OSBPL3: variants seen among roughly 807,000 people sequenced by gnomAD.
OSBPL3 encodes oxysterol binding protein like 3, also known as oxysterol-binding protein-related protein 3.
OSBPL3 carries 65 observed loss-of-function variants against 120.1 expected under a neutral mutation model. That is an observed-to-expected ratio of 0.54 (90% CI 0.44 to 0.67). OSBPL3 has a LOEUF of 0.67. OSBPL3 is among the 30% of genes least tolerant of loss of function. The pLI, the probability that OSBPL3 is intolerant of heterozygous loss-of-function variation, is 0.00. For synonymous variants in OSBPL3, 416 were observed against 402.6 expected, an observed-to-expected ratio of 1.03 and a Z score of -0.40; for missense variants, 1,004 against 1,082.1, an observed-to-expected ratio of 0.93 and a Z score of 1.01.
At chr7:24,826,348 T>C (rs1795704353) in intron 16 of OSBPL3, among the ~76,000 whole-genome samples, 1 of 152,156 alleles carries the variant, frequency 6.6e-6, no homozygotes, top group Admixed American at 6.5e-5. Flanking sequence ...TATGACTCAC[T>C]CCTGATCGGT....
At position 24,805,309 on chromosome 7, in the gene OSBPL3, T is replaced by C. The variant is rs997267999; in HGVS notation, c.2445-872A>G. Among the ~76,000 whole-genome samples the C allele has an allele frequency of 6.6e-6, 1 of 152,220 alleles. No homozygotes were observed. Among genetic ancestry groups the C allele is most frequent in the Admixed American group, 6.5e-5 (1 of 15,278 alleles). On this transcript the variant is annotated intron_variant, in intron 21 of 22. Transcript: ENST00000313367. This position sits in a 1 kb window ranked among gnomAD's most constrained non-coding sequence, Gnocchi z 4.0. Reference sequence around the variant, plus strand: ...TGGGATGTCGACATGATTTTTAAATTTGCATTTTTCTTATTATGATTAAGG... The same window carrying C: ...TGGGATGTCGACATGATTTTTAAATCTGCATTTTTCTTATTATGATTAAGG...
At position 24,863,534 on chromosome 7, in the gene OSBPL3, G is replaced by C. The variant is rs374584847; in HGVS notation, c.739C>G (p.His247Asp). ...ATAGCTGGTGCCGAGTATGTCCGAT[G>C]CAGGACGTCCATGCTTTGCAGGAGC... is the stretch of plus-strand genomic sequence containing the variant. ...SQLLQSMDVL[H>D]RTYSAPAINA... The change falls in exon 8 of 23, where the codon CAT becomes GAT. Residue 247 changes from histidine (H) to aspartate (D), a missense_variant. Physicochemically the swap from His to Asp is moderately conservative, Grantham distance 81 (BLOSUM62 -1). This residue lies in a region of OSBPL3 where 272 missense variants were observed against 248.8 expected (regional missense o/e 1.09). Coordinates refer to ENST00000313367, the MANE Select transcript of OSBPL3 (RefSeq NM_015550.4). This position sits in a 1 kb window ranked among gnomAD's most constrained non-coding sequence, Gnocchi z 5.8. 6.2e-7 allele frequency: 1 copy of C among 1,614,096 alleles called. No homozygotes were observed. The highest frequency in any genetic ancestry group is 1.7e-5 in the Admixed American group (1 of 60,032).
chr7:24,919,881 C>CA (rs1201013268), intron 1 of OSBPL3, among the ~76,000 whole-genome samples: 4 of 151,304 alleles, frequency 2.6e-5, no homozygotes, highest in African/African-American at 4.9e-5. Context: ...AAAGAAGCCA[C>CA]AAAAAATGGC....
rs1300285032 is a variant in OSBPL3, at chr7:24,820,131, C to T, written c.1948+44G>A. The T allele has an allele frequency of 7.7e-7, 1 of 1,291,464 alleles. No individual in the cohort carries two copies. The highest frequency in any genetic ancestry group is 1.5e-5 in the African/African-American group (1 of 67,812). 80.0% of individuals were successfully genotyped at this position (1,291,464 alleles called of 1,614,324 possible). A position where few individuals can be genotyped will look rare whatever the true frequency, so the allele number is the denominator to read the frequency against. On this transcript the variant is annotated intron_variant, in intron 17 of 22. Coordinates refer to ENST00000313367, the MANE Select transcript of OSBPL3 (RefSeq NM_015550.4). The surrounding 1 kb of genome is among the most constrained non-coding windows in gnomAD (Gnocchi z 4.6). ...ATTCTTGGATAAAATAAATAGATAA[C>T]ATATTACACAATATGATGGAAGTAA...
Position 24,851,584 on chromosome 7 carries a change from T to C in OSBPL3, c.1158+920A>G, listed in dbSNP as rs1415308046. Among the ~76,000 whole-genome samples the C allele has an allele frequency of 1.3e-5, 2 of 152,186 alleles. No homozygotes were observed. The highest frequency in any genetic ancestry group is 1.3e-4 in the Admixed American group (2 of 15,276). The stretch of plus-strand genomic sequence containing the variant: ...TTTATCTCCCCTACCTGACCTGAAA[T>C]AGAAAATTCAGTATTGCTTCAGATG... On this transcript the variant is annotated intron_variant, in intron 11 of 22. Coordinates refer to ENST00000313367, the MANE Select transcript of OSBPL3 (RefSeq NM_015550.4). This position sits in a 1 kb window ranked among gnomAD's most constrained non-coding sequence, Gnocchi z 4.1.
rs1301494572 is a variant in OSBPL3 at position 24,803,081 on chromosome 7, C to T, written c.2567+1234G>A. Among the ~76,000 whole-genome samples the T allele has an allele frequency of 6.6e-6, 1 of 152,106 alleles. No individual in the cohort carries two copies. Among genetic ancestry groups the T allele is most frequent in the African/African-American group, 2.4e-5 (1 of 41,414 alleles). Reference sequence around the variant, plus strand: ...CTTCAAGACAAAACCTTATTTGTCACTATTTTGATGTTTTGGAATACAGAT... The same window carrying T: ...CTTCAAGACAAAACCTTATTTGTCATTATTTTGATGTTTTGGAATACAGAT... On this transcript the variant is annotated intron_variant, in intron 22 of 22. Coordinates refer to ENST00000313367, the MANE Select transcript of OSBPL3 (RefSeq NM_015550.4). This position sits in a 1 kb window ranked among gnomAD's most constrained non-coding sequence, Gnocchi z 4.2.
chr7:24,907,780 T>C (rs1808163851), intron 1 of OSBPL3, among the ~76,000 whole-genome samples: 1 of 152,210 alleles, frequency 6.6e-6, no homozygotes, highest in East Asian at 1.9e-4. Flanking sequence ...CTGAAAGTAT[T>C]AGTCACGTTT....
Position 24,820,138 on chromosome 7 carries a change from C to G in OSBPL3, c.1948+37G>C. ...GATAAAATAAATAGATAACATATTA[C>G]ACAATATGATGGAAGTAAAATGTAT... On this transcript the variant is annotated intron_variant, in intron 17 of 22. Transcript: ENST00000313367. This position sits in a 1 kb window ranked among gnomAD's most constrained non-coding sequence, Gnocchi z 4.6. The G allele has an allele frequency of 7.4e-7, 1 of 1,353,446 alleles. No homozygotes were observed. Among genetic ancestry groups the G allele is most frequent in the African/African-American group, 1.4e-5 (1 of 69,326 alleles). 83.8% of individuals were successfully genotyped at this position (1,353,446 alleles called of 1,614,324 possible).
At chr7:24,978,045 T>C (rs1369360900) in intron 1 of OSBPL3, among the ~76,000 whole-genome samples, 1 of 152,186 alleles carries the variant, frequency 6.6e-6, no homozygotes, top group African/African-American at 2.4e-5. Context: ...ACATTTTAGT[T>C]TATTCGAAGA....
At chr7:24,869,757 C>A (rs1291418711) in intron 5 of OSBPL3, among the ~76,000 whole-genome samples, 1 of 152,188 alleles carries the variant, frequency 6.6e-6, no homozygotes, top group East Asian at 1.9e-4. Context: ...GACTGTCTTG[C>A]CCATTCAACA....
chr7:24,851,956 C>T lies in OSBPL3; in HGVS notation c.1158+548G>A, dbSNP rs1027168427. Among the ~76,000 whole-genome samples, 1 of 152,162 alleles carries T rather than the reference C, an allele frequency of 6.6e-6. No individual in the cohort carries two copies. The highest frequency in any genetic ancestry group is 2.4e-5 in the African/African-American group (1 of 41,420). ...TTCATGTGACTCATCTCTTTGTAGC[C>T]ACAGTAGGGGGGCAGGGCAGGGAAG... is the stretch of plus-strand genomic sequence containing the variant. On this transcript the variant is annotated intron_variant, in intron 11 of 22. Coordinates refer to ENST00000313367, the MANE Select transcript of OSBPL3 (RefSeq NM_015550.4). This position sits in a 1 kb window ranked among gnomAD's most constrained non-coding sequence, Gnocchi z 4.1.
chr7:24,926,639 C>A (rs1487192706), intron 1 of OSBPL3, among the ~76,000 whole-genome samples: 1 of 152,240 alleles, frequency 6.6e-6, no homozygotes, highest in Non-Finnish European at 1.5e-5. Flanking sequence ...AGAGTGGCCA[C>A]TGTATAAGGT....
chr7:24,899,877 C>T lies in OSBPL3; in HGVS notation c.-149-7256G>A, dbSNP rs1368425371. Among the ~76,000 whole-genome samples the T allele has an allele frequency of 2.6e-5, 4 of 152,172 alleles. No individual in the cohort carries two copies. Among genetic ancestry groups the T allele is most frequent in the African/African-American group, 7.2e-5 (3 of 41,440 alleles). On this transcript the variant is annotated intron_variant, in intron 1 of 22. Coordinates refer to ENST00000313367, the MANE Select transcript of OSBPL3 (RefSeq NM_015550.4). This position sits in a 1 kb window ranked among gnomAD's most constrained non-coding sequence, Gnocchi z 4.0. ...TTGAATCAGAATTTCTATCTAGAGA[C>T]GGGCCTGATAATCTGCATGTTTAAC...
chr7:24,933,162 T>C lies in OSBPL3; in HGVS notation c.-149-40541A>G, dbSNP rs538143476. On this transcript the variant is annotated intron_variant, in intron 1 of 22. Transcript: ENST00000313367. The surrounding 1 kb of genome is among the most constrained non-coding windows in gnomAD (Gnocchi z 5.1). ...GGACCCAGCTGAGAGGGGGGTTCGC[T>C]GCTCAAGGTTAAAATGGGGAATAAA... 1.2e-4 allele frequency among the ~76,000 whole-genome samples: 18 copies of C among 152,310 alleles called. No homozygotes were observed. In the South Asian group the frequency reaches 3.7e-3, roughly 32 times the overall value.
rs1287071189 is a variant in OSBPL3, at chr7:24,941,377, CCT to C, written c.-150+38507_-150+38508del. 4.6e-5 allele frequency among the ~76,000 whole-genome samples: 7 copies of C among 152,186 alleles called. No homozygotes were observed. In the East Asian group the frequency reaches 1.3e-3, roughly 29 times the overall value. ...TAAAGTCTCTACTCCCAACATTTCC[CCT>C]CTTTCTACTCCTGCTGCTCCCTGCC... On this transcript the variant is annotated intron_variant, in intron 1 of 22. Transcript: ENST00000313367.
chr7:24,854,046 A>T lies in OSBPL3; in HGVS notation c.1028-1412T>A, dbSNP rs1013922128. Among the ~76,000 whole-genome samples the T allele has an allele frequency of 6.6e-6, 1 of 152,188 alleles. No homozygotes were observed. The highest frequency in any genetic ancestry group is 2.4e-5 in the African/African-American group (1 of 41,444). On this transcript the variant is annotated intron_variant, in intron 10 of 22. Coordinates refer to ENST00000313367, the MANE Select transcript of OSBPL3 (RefSeq NM_015550.4). This position sits in a 1 kb window ranked among gnomAD's most constrained non-coding sequence, Gnocchi z 4.1. Reference sequence around the variant, plus strand: ...CCTCCAATGCCTGAACTGAAGTTTTAAAAAACATTAACACATACAGCACAC... The same window carrying T: ...CCTCCAATGCCTGAACTGAAGTTTTTAAAAACATTAACACATACAGCACAC...
At chr7:24,812,483 C>A (rs182285083) in intron 19 of OSBPL3, among the ~76,000 whole-genome samples, 13 of 152,180 alleles carry the variant, frequency 8.5e-5, no homozygotes, top group African/African-American at 2.9e-4. Context: ...CAGGCCAGTC[C>A]AGCCCAGAGG....
chr7:24,931,954 T>G (rs1285554169), intron 1 of OSBPL3, among the ~76,000 whole-genome samples: 2 of 152,182 alleles, frequency 1.3e-5, no homozygotes, highest in Non-Finnish European at 2.9e-5. Flanking sequence ...GCTCTCATCC[T>G]CACTCTCCCA....
intron 1 of OSBPL3, among the ~76,000 whole-genome samples, chr7:24,943,402 T>C (rs1282911826): frequency 2.6e-5 from 4 of 152,196 alleles, no homozygotes. Flanking sequence ...ACAAAAAACA[T>C]TTCAGTCTGT....
Sources: allele counts gnomAD v4.1 joint callset (sites outside exome capture counted in the v4.1 genomes callset), GRCh38; gene constraint gnomAD v4.1.1; regional missense constraint gnomAD v4.1.1; non-coding constraint Gnocchi (gnomAD v3.1); transcripts MANE v1.5; gene names NCBI Gene and HGNC (gene_info 2026-07-23, HGNC 2026-07-21).